The following ZMIZ1 variants were observed in gnomAD, a reference collection of about 807,000 sequenced individuals.
ZMIZ1 encodes zinc finger MIZ-type containing 1, also known as zinc finger MIZ domain-containing protein 1.
A neutral mutation model predicts 113.9 loss-of-function variants in ZMIZ1; 17 were observed. The observed-to-expected ratio is 0.15, with a 90% confidence interval of 0.10 to 0.22. The LOEUF (loss-of-function observed/expected upper bound fraction) is 0.22. ZMIZ1 is among the 10% of genes least tolerant of loss of function. The pLI is 1.00. For synonymous variants in ZMIZ1, 607 were observed against 603.1 expected, an observed-to-expected ratio of 1.01 and a Z score of -0.09; for missense variants, 1,059 against 1,477.8, an observed-to-expected ratio of 0.72 and a Z score of 4.65.
intron 1 of ZMIZ1, among the ~76,000 whole-genome samples, chr10:79,100,671 G>A (rs141260296): frequency 6.6e-6 from 1 of 152,308 alleles, no homozygotes; most frequent in African/African-American, 2.4e-5. Context: ...TTCTCACAGG[G>A]GTCCCATGAT....
chr10:79,240,869 C>G (rs1219710731), intron 7 of ZMIZ1, among the ~76,000 whole-genome samples: 1 of 152,048 alleles, frequency 6.6e-6, no homozygotes, highest in Non-Finnish European at 1.5e-5. Flanking sequence ...AACCTCTGCT[C>G]AATTCCAGTC....
At chr10:79,263,824 C>T (rs1197928422) in intron 7 of ZMIZ1, among the ~76,000 whole-genome samples, 1 of 152,026 alleles carries the variant, frequency 6.6e-6, no homozygotes, top group African/African-American at 2.4e-5. Context: ...GATGTGTAGA[C>T]CCCAGGGTCT....
chr10:79,306,385 G>A (rs774526436), intron 22 of ZMIZ1, 41 bp downstream of exon 22: 2 of 1,595,626 alleles, frequency 1.3e-6, no homozygotes, highest in Non-Finnish European at 1.7e-6. Context: ...AAGGAGGGCA[G>A]CCCCAAGTCC....
intron 4 of ZMIZ1, among the ~76,000 whole-genome samples, chr10:79,187,422 A>G (rs561428767): frequency 6.6e-6 from 1 of 152,216 alleles, no homozygotes; most frequent in Non-Finnish European, 1.5e-5. Flanking sequence ...CGAGTTGTGT[A>G]ACCTCTCTGG....
At chr10:79,126,322 T>C (rs927112598) in intron 2 of ZMIZ1, among the ~76,000 whole-genome samples, 1 of 152,156 alleles carries the variant, frequency 6.6e-6, no homozygotes, top group Admixed American at 6.5e-5. Flanking sequence ...CAGCCCCCTC[T>C]GCCAAGGCTT....
rs533910591 is a variant in ZMIZ1, at chr10:79,287,169, G to A, written c.426-2606G>A. Among the ~76,000 whole-genome samples the A allele has an allele frequency of 5.9e-5, 9 of 152,322 alleles. No individual in the cohort carries two copies. The South Asian group carries it at 1.9e-3, about 32-fold the overall frequency. On this transcript the variant is annotated intron_variant, in intron 8 of 24. Transcript: ENST00000334512. Reference sequence around the variant, plus strand: ...TGGTGTGCCAGTCTGGAACCAGGTGGTGTGCCGGGTCCCCAGTGACCTCCC... The same window carrying A: ...TGGTGTGCCAGTCTGGAACCAGGTGATGTGCCGGGTCCCCAGTGACCTCCC...
intron 2 of ZMIZ1, among the ~76,000 whole-genome samples, chr10:79,137,451 C>T (rs1845053954): frequency 6.6e-6 from 1 of 152,362 alleles, no homozygotes; most frequent in African/African-American, 2.4e-5. Flanking sequence ...TGCTCCTACT[C>T]ACCCGGACTA....
intron 1 of ZMIZ1, among the ~76,000 whole-genome samples, chr10:79,077,691 T>G (rs376266852): frequency 6.6e-6 from 1 of 152,232 alleles, no homozygotes; most frequent in African/African-American, 2.4e-5. Flanking sequence ...CTTTATGAGC[T>G]CTGTAACTTT....
At chr10:79,132,738 T>C (rs1056041921) in intron 2 of ZMIZ1, among the ~76,000 whole-genome samples, 1 of 152,168 alleles carries the variant, frequency 6.6e-6, no homozygotes, top group African/African-American at 2.4e-5. Flanking sequence ...GCCAGTGTTC[T>C]CTCCCCTCCC....
chr10:79,138,895 A>G (rs1309316072), intron 2 of ZMIZ1, among the ~76,000 whole-genome samples: 1 of 152,248 alleles, frequency 6.6e-6, no homozygotes, highest in African/African-American at 2.4e-5. Flanking sequence ...AGCTTAAAAA[A>G]AAAGTGAGTG....
chr10:79,070,282 G>A (rs1333565769), intron 1 of ZMIZ1, among the ~76,000 whole-genome samples: 2 of 152,028 alleles, frequency 1.3e-5, no homozygotes, highest in Non-Finnish European at 2.9e-5. Flanking sequence ...GGGGACATCT[G>A]TCCAGGAAGC....
chr10:79,305,686 A>G (rs1218497029), intron 21 of ZMIZ1, 85 bp downstream of exon 21: 23 of 1,382,306 alleles, frequency 1.7e-5, no homozygotes, highest in Non-Finnish European at 2.3e-5. Flanking sequence ...TAGCCCTGAC[A>G]CAGCCCTCCC....
chr10:79,095,407 G>A (rs1003673999), intron 1 of ZMIZ1, among the ~76,000 whole-genome samples: 7 of 152,176 alleles, frequency 4.6e-5, no homozygotes, highest in South Asian at 4.1e-4. Flanking sequence ...TTAGAAGACC[G>A]CCCCTTCCAG....
Position 79,296,669 on chromosome 10 carries a change from G to T in ZMIZ1, c.1413+16G>T. Reference sequence around the variant, plus strand: ...GTATTACAAGGTGAGTCCCAGCCTCGCCACCACCCACGGGGCCCCTTCCCT... The same window carrying T: ...GTATTACAAGGTGAGTCCCAGCCTCTCCACCACCCACGGGGCCCCTTCCCT... On this transcript the variant is annotated intron_variant, in intron 13 of 24. Coordinates refer to ENST00000334512, the MANE Select transcript of ZMIZ1 (RefSeq NM_020338.4). This position sits in a 1 kb window ranked among gnomAD's most constrained non-coding sequence, Gnocchi z 4.1. 1 of 1,527,880 alleles carries T rather than the reference G, an allele frequency of 6.5e-7. No homozygotes were observed. Among genetic ancestry groups the T allele is most frequent in the South Asian group, 1.3e-5 (1 of 78,548 alleles). 94.6% of individuals were successfully genotyped at this position (1,527,880 alleles called of 1,614,324 possible). A position where few individuals can be genotyped will look rare whatever the true frequency, so the allele number is the denominator to read the frequency against.
Position 79,309,325 on chromosome 10 carries a change from A to G in ZMIZ1, c.2836-1599A>G, listed in dbSNP as rs766724619. Among the ~76,000 whole-genome samples the G allele has an allele frequency of 3.9e-5, 6 of 152,064 alleles. 1 individual carries two copies. Among genetic ancestry groups the G allele is most frequent in the Admixed American group, 6.5e-5 (1 of 15,282 alleles). Reference sequence around the variant, plus strand: ...CACAGCTGCCTCTGAAGATCCAGGGACTGTCTGTCTTGAGCTGGGCTGCAC... The same window carrying G: ...CACAGCTGCCTCTGAAGATCCAGGGGCTGTCTGTCTTGAGCTGGGCTGCAC... On this transcript the variant is annotated intron_variant, in intron 23 of 24. Coordinates refer to ENST00000334512, the MANE Select transcript of ZMIZ1 (RefSeq NM_020338.4).
intron 4 of ZMIZ1, among the ~76,000 whole-genome samples, chr10:79,197,595 TACACACACACACACATACAC>T (rs771720730): frequency 0.011 from 1,469 of 136,848 alleles, 29 homozygotes; most frequent in South Asian, 0.078. Context: ...ACCCAGACCA[TACACACACACACACATACAC>T]ACACACACAC....
chr10:79,087,056 A>G (rs879226471), intron 1 of ZMIZ1, among the ~76,000 whole-genome samples: 1 of 152,198 alleles, frequency 6.6e-6, no homozygotes, highest in East Asian at 1.9e-4. Flanking sequence ...AGTGTGTTAG[A>G]CTAGATTTTA....
At position 79,293,490 on chromosome 10, in the gene ZMIZ1, C is replaced by T. The variant is rs758682774; in HGVS notation, c.1067C>T (p.Thr356Met). The T allele has an allele frequency of 1.5e-5, 23 of 1,582,152 alleles. No individual in the cohort carries two copies. The highest frequency in any genetic ancestry group is 4.5e-5 in the East Asian group (2 of 44,432). ...CCCGCGAGCATGGCGGCTGGCATGA[C>T]GCCCTCGGGGATGAGCGGCCCTCCC... ...MNPASMAAGM[T>M]PSGMSGPPMG... Residue 356 changes from threonine (T) to methionine (M), a missense_variant, in exon 12 of 25, where the codon ACG becomes ATG. Thr to Met is a moderately conservative substitution (Grantham distance 81). Coordinates refer to ENST00000334512, the MANE Select transcript of ZMIZ1 (RefSeq NM_020338.4).
At chr10:79,244,067 C>G (rs1450013085) in intron 7 of ZMIZ1, among the ~76,000 whole-genome samples, 1 of 151,464 alleles carries the variant, frequency 6.6e-6, no homozygotes, top group East Asian at 1.9e-4. Flanking sequence ...AGTCGGCTCA[C>G]GCTGCAAAAA....
Sources: allele counts gnomAD v4.1 joint callset (sites outside exome capture counted in the v4.1 genomes callset), GRCh38; gene constraint gnomAD v4.1.1; non-coding constraint Gnocchi (gnomAD v3.1); transcripts MANE v1.5; gene names NCBI Gene and HGNC (gene_info 2026-07-23, HGNC 2026-07-21).